Variants in TTI1 observed in about 807,000 individuals in gnomAD.
The protein encoded by TTI1 is TELO2 interacting protein 1, also known as TELO2-interacting protein 1 homolog.
A neutral mutation model predicts 85.4 loss-of-function variants in TTI1; 52 were observed. The observed-to-expected ratio is 0.61, with a 90% CI of 0.49 to 0.77. The LOEUF is 0.77. Ranked by LOEUF, TTI1 falls within the 30% of genes least tolerant of loss-of-function variation. The probability of loss-of-function intolerance (pLI) is 0.00; values close to 1 mark genes in which losing one functional copy is unlikely to be tolerated. For synonymous variants in TTI1, 512 were observed against 503.9 expected, an observed-to-expected ratio of 1.02 and a Z score of -0.22; for missense variants, 1,173 against 1,296.0, an observed-to-expected ratio of 0.91 and a Z score of 1.46.
chr20:38,010,142 A>G (rs1427147962), intron 2 of TTI1, among the ~76,000 whole-genome samples: 4 of 152,222 alleles, frequency 2.6e-5, no homozygotes, highest in African/African-American at 9.6e-5. Context: ...TGAAAAAGGA[A>G]CATTTATGCT....
intron 4 of TTI1, 64 bp downstream of exon 4, chr20:38,002,564 T>A (rs2073440420): frequency 6.3e-7 from 1 of 1,591,292 alleles, no homozygotes; most frequent in African/African-American, 1.3e-5. Flanking sequence ...GTGTAGCCAC[T>A]GCCAACCAGG....
intron 1 of TTI1, among the ~76,000 whole-genome samples, chr20:38,019,312 T>A (rs1021753186): frequency 2.0e-5 from 3 of 151,966 alleles, no homozygotes; most frequent in Admixed American, 1.3e-4. Context: ...AATAGGTAAA[T>A]ATAAAAAAAT....
intron 1 of TTI1, 125 bp from the exon 2 acceptor site, chr20:38,013,982 G>C (rs2073644615): frequency 1.1e-6 from 1 of 951,304 alleles, no homozygotes; most frequent in Non-Finnish European, 1.5e-6. Flanking sequence ...AAGGCACTAG[G>C]GGTGCAATGA....
intron 1 of TTI1, among the ~76,000 whole-genome samples, chr20:38,026,048 A>C (rs555318958): frequency 3.3e-5 from 5 of 152,384 alleles, no homozygotes; most frequent in African/African-American, 1.2e-4. Flanking sequence ...CAAGAAGCTG[A>C]GTGAACCCCA....
At position 37,983,278 on chromosome 20, in the gene TTI1, C is replaced by T; in HGVS notation, c.*178G>A. The T allele has an allele frequency of 1.6e-6, 1 of 618,122 alleles. No individual in the cohort carries two copies. The highest frequency in any genetic ancestry group is 1.9e-5 in the African/African-American group (1 of 53,142). 38.3% of individuals were successfully genotyped at this position (618,122 alleles called of 1,614,324 possible). On this transcript the variant is annotated 3_prime_UTR_variant, in exon 8 of 8. Transcript: ENST00000373447. Reference sequence around the variant, plus strand: ...GGTATGAAACATAAATAATAGTCAGCTACTTTCCTTCAATCCATTTCTAAG... The same window carrying T: ...GGTATGAAACATAAATAATAGTCAGTTACTTTCCTTCAATCCATTTCTAAG...
chr20:37,986,762 G>A (rs925374853), intron 7 of TTI1, among the ~76,000 whole-genome samples: 1 of 152,224 alleles, frequency 6.6e-6, no homozygotes, highest in East Asian at 1.9e-4. Flanking sequence ...AAGAGAGAGA[G>A]AGGGACACAG....
intron 4 of TTI1, among the ~76,000 whole-genome samples, chr20:38,000,150 G>A (rs2073401843): frequency 6.6e-6 from 1 of 152,162 alleles, no homozygotes; most frequent in African/African-American, 2.4e-5. Flanking sequence ...GGGAGGGGAA[G>A]TGAGGGTTTG....
intron 1 of TTI1, among the ~76,000 whole-genome samples, chr20:38,025,689 G>A (rs182415267): frequency 3.9e-4 from 60 of 152,152 alleles, no homozygotes; most frequent in Middle Eastern, 3.4e-3. Context: ...AAAATGTATC[G>A]ATAAGCAATT....
At chr20:38,014,849 A>G (rs1008312621) in intron 1 of TTI1, among the ~76,000 whole-genome samples, 7 of 152,210 alleles carry the variant, frequency 4.6e-5, no homozygotes, top group Non-Finnish European at 7.3e-5. Flanking sequence ...TGAGGAGAGA[A>G]ATAAAAGTCT....
At chr20:38,022,927 T>C (rs569648979) in intron 1 of TTI1, among the ~76,000 whole-genome samples, 1 of 152,310 alleles carries the variant, frequency 6.6e-6, no homozygotes, top group Admixed American at 6.5e-5. Flanking sequence ...ATGAATTTTA[T>C]CTTCTTCAAT....
chr20:38,006,869 A>G (rs1283978434), intron 2 of TTI1, among the ~76,000 whole-genome samples: 1 of 152,210 alleles, frequency 6.6e-6, no homozygotes, highest in Non-Finnish European at 1.5e-5. Context: ...ATCAGACTCT[A>G]TGTTCCATTG....
chr20:38,019,692 C>A (rs573888395), intron 1 of TTI1, among the ~76,000 whole-genome samples: 1 of 152,318 alleles, frequency 6.6e-6, no homozygotes, highest in South Asian at 2.1e-4. Flanking sequence ...AGACAGAAGT[C>A]TGAAGTACAA....
At chr20:38,023,574 G>A (rs1158596167) in intron 1 of TTI1, among the ~76,000 whole-genome samples, 2 of 152,240 alleles carry the variant, frequency 1.3e-5, no homozygotes, top group East Asian at 3.8e-4. Context: ...TACACTGGAG[G>A]ACTACTATCT....
At chr20:38,004,351 A>G (rs1039632775) in intron 3 of TTI1, among the ~76,000 whole-genome samples, 7 of 152,210 alleles carry the variant, frequency 4.6e-5, no homozygotes, top group African/African-American at 1.4e-4. Context: ...TGAGCAGAGC[A>G]CTGCTCCCTT....
Position 38,013,873 on chromosome 20 carries a change from T to C in TTI1, c.-41-16A>G. On this transcript the variant is annotated splice_polypyrimidine_tract_variant and intron_variant, in intron 1 of 7. Coordinates refer to ENST00000373447, the MANE Select transcript of TTI1 (RefSeq NM_001303457.2). ...ATCCTGCAGGCTGGAGGAAGGAAAC[T>C]GTTCAGTAAAAATGTCAAGTTCAAA... is the stretch of plus-strand genomic sequence containing the variant. 1 of 1,542,438 alleles carries C rather than the reference T, an allele frequency of 6.5e-7. No homozygotes were observed. Among genetic ancestry groups the C allele is most frequent in the Non-Finnish European group, 8.7e-7 (1 of 1,153,748 alleles).
intron 1 of TTI1, among the ~76,000 whole-genome samples, chr20:38,026,463 A>G (rs2073837718): frequency 6.6e-6 from 1 of 152,126 alleles, no homozygotes; most frequent in Non-Finnish European, 1.5e-5. Context: ...CAGAGGGGAG[A>G]AAACAATTCT....
At chr20:38,022,787 C>A (rs1202982289) in intron 1 of TTI1, among the ~76,000 whole-genome samples, 2 of 152,176 alleles carry the variant, frequency 1.3e-5, no homozygotes, top group Non-Finnish European at 2.9e-5. Flanking sequence ...GCTTTCCCTT[C>A]TGAAGAACAA....
At chr20:37,993,711 CA>C (rs2073298353) in intron 7 of TTI1, among the ~76,000 whole-genome samples, 1 of 152,244 alleles carries the variant, frequency 6.6e-6, no homozygotes, top group Non-Finnish European at 1.5e-5. Flanking sequence ...ACAGGAGAGC[CA>C]CTTCCAAAGC....
intron 1 of TTI1, among the ~76,000 whole-genome samples, chr20:38,032,691 C>G (rs1225734355): frequency 6.6e-6 from 1 of 152,186 alleles, no homozygotes; most frequent in Non-Finnish European, 1.5e-5. Context: ...CTCAAGGTAT[C>G]CTCTCGCGTA....
Sources: allele counts gnomAD v4.1 joint callset (sites outside exome capture counted in the v4.1 genomes callset), GRCh38; gene constraint gnomAD v4.1.1; transcripts MANE v1.5; gene names NCBI Gene and HGNC (gene_info 2026-07-23, HGNC 2026-07-21).